The following ELOVL4 variants were observed in gnomAD, a reference collection of about 807,000 sequenced individuals.
The protein encoded by ELOVL4 is ELOVL fatty acid elongase 4.
In ELOVL4, 18 loss-of-function variants were observed where a neutral mutation model predicts 42.1. The ratio of observed to expected loss-of-function variants is 0.43; its 90% CI spans 0.30 to 0.63. ELOVL4 has a LOEUF of 0.63. Among genes scored for constraint, ELOVL4 ranks in the 30% least tolerant of loss-of-function variants. The pLI is 0.15. For synonymous variants in ELOVL4, 117 were observed against 127.0 expected (o/e 0.92, Z 0.53); for missense variants, 299 against 376.2 (o/e 0.79, Z 1.70).
chr6:79,942,967 G>C (rs866183203), intron 1 of ELOVL4, among the ~76,000 whole-genome samples: 36 of 151,538 alleles, frequency 2.4e-4, no homozygotes, highest in Admixed American at 1.4e-3. Context: ...TGAAAACAGT[G>C]ACCAAGGGAG....
At chr6:79,934,487 C>T (rs985973772) in intron 1 of ELOVL4, among the ~76,000 whole-genome samples, 5 of 152,064 alleles carry the variant, frequency 3.3e-5, no homozygotes, top group African/African-American at 7.2e-5. Flanking sequence ...GATACCACGA[C>T]GTCATGCATT....
chr6:79,924,854 CTG>C, intron 3 of ELOVL4, 96 bp downstream of exon 3: 1 of 787,036 alleles, frequency 1.3e-6, no homozygotes, highest in Non-Finnish European at 2.2e-6. Context: ...GTTAAAGAAA[CTG>C]TCTCTTAAAA....
At chr6:79,917,226 G>A (rs577338172) in intron 5 of ELOVL4, among the ~76,000 whole-genome samples, 3 of 152,020 alleles carry the variant, frequency 2.0e-5, no homozygotes, top group East Asian at 1.9e-4. Context: ...ACTCTAGAAG[G>A]CAGGGCTTTG....
At chr6:79,921,122 G>A (rs189148100) in intron 4 of ELOVL4, among the ~76,000 whole-genome samples, 3 of 152,018 alleles carry the variant, frequency 2.0e-5, no homozygotes, top group African/African-American at 7.2e-5. Flanking sequence ...TATTAAAGTA[G>A]TCACAGATAA....
Position 79,942,546 on chromosome 6 carries a change from C to CA in ELOVL4, c.100+4633dup, listed in dbSNP as rs1284510270. ...GGTGACATTATCCACAGGACTTGAG[C>CA]AAAAAAATAAGAAAACAAATTGAAT... On this transcript the variant is annotated intron_variant, in intron 1 of 5. Transcript: ENST00000369816. 5.9e-5 allele frequency among the ~76,000 whole-genome samples: 9 copies of CA among 152,066 alleles called. No homozygotes were observed. The East Asian group carries it at 1.7e-3, about 29-fold the overall frequency.
intron 1 of ELOVL4, among the ~76,000 whole-genome samples, chr6:79,942,242 G>A (rs1774659533): frequency 6.6e-6 from 1 of 152,090 alleles, no homozygotes; most frequent in South Asian, 2.1e-4. Flanking sequence ...AGTTAATGTG[G>A]ACCTTGGCTT....
At chr6:79,927,210 T>G (rs1161812078) in intron 1 of ELOVL4, among the ~76,000 whole-genome samples, 1 of 152,032 alleles carries the variant, frequency 6.6e-6, no homozygotes, top group Non-Finnish European at 1.5e-5. Flanking sequence ...TAATGAAATA[T>G]GGATGGGATT....
chr6:79,947,288 T>TGAGC lies in ELOVL4; in HGVS notation c.-13_-10dup, dbSNP rs1393683059. The stretch of plus-strand genomic sequence containing the variant: ...GAGTCCAGGAGCCCCATCGCGGCGA[T>TGAGC]GAGCGGGCGCTGGCGGCAGGAGAAA... On this transcript the variant is annotated 5_prime_UTR_variant, in exon 1 of 6. Transcript: ENST00000369816. 4 of 1,608,092 alleles carry TGAGC rather than the reference T, an allele frequency of 2.5e-6. No individual in the cohort carries two copies. The highest frequency in any genetic ancestry group is 3.4e-6 in the Non-Finnish European group (4 of 1,176,052).
Position 79,926,257 on chromosome 6 carries a change from C to T in ELOVL4, c.225G>A (p.Met75Ile), listed in dbSNP as rs1267648070. Residue 75 changes from methionine (M) to isoleucine (I), a missense_variant, in exon 2 of 6, where the codon ATG becomes ATA. Coordinates refer to ENST00000369816, the MANE Select transcript of ELOVL4 (RefSeq NM_022726.4). ...AATTATAGATAATGAGCACTAGACG[C>T]ATCTGAAAAGGTTCTCGGTCCTTCA... ...KWMKDREPFQ[M>I]RLVLIIYNFG... 1 of 1,613,910 alleles carries T rather than the reference C, an allele frequency of 6.2e-7. No individual in the cohort carries two copies. The highest frequency in any genetic ancestry group is 8.5e-7 in the Non-Finnish European group (1 of 1,179,942).
chr6:79,932,306 C>T (rs1006330292), intron 1 of ELOVL4, among the ~76,000 whole-genome samples: 8 of 152,000 alleles, frequency 5.3e-5, no homozygotes, highest in African/African-American at 1.7e-4. Flanking sequence ...TTTGGGAGGC[C>T]GAGGCAGGCG....
At chr6:79,943,405 C>T (rs943405493) in intron 1 of ELOVL4, among the ~76,000 whole-genome samples, 6 of 152,132 alleles carry the variant, frequency 3.9e-5, no homozygotes, top group African/African-American at 1.4e-4. Flanking sequence ...CACCTTTTGC[C>T]CTAGTATGCC....
intron 1 of ELOVL4, among the ~76,000 whole-genome samples, chr6:79,927,347 T>C (rs1774361016): frequency 6.6e-6 from 1 of 152,122 alleles, no homozygotes; most frequent in Admixed American, 6.6e-5. Flanking sequence ...TGCAAAACAT[T>C]TTATGTCGTA....
intron 1 of ELOVL4, among the ~76,000 whole-genome samples, chr6:79,932,705 T>C (rs1331927338): frequency 6.6e-6 from 1 of 152,218 alleles, no homozygotes; most frequent in Non-Finnish European, 1.5e-5. Flanking sequence ...ACTACTCCTT[T>C]GCAGCAAAGT....
intron 1 of ELOVL4, among the ~76,000 whole-genome samples, chr6:79,943,165 G>A (rs534815651): frequency 6.6e-5 from 10 of 152,220 alleles, no homozygotes; most frequent in South Asian, 2.1e-4. Flanking sequence ...TAACTGTGAC[G>A]AATAATAAAA....
chr6:79,940,464 A>G (rs546274352), intron 1 of ELOVL4, among the ~76,000 whole-genome samples: 3 of 152,334 alleles, frequency 2.0e-5, no homozygotes, highest in Admixed American at 1.3e-4. Flanking sequence ...ATTTTTATCA[A>G]TTTTACAAAA....
At chr6:79,934,611 G>C (rs969464841) in intron 1 of ELOVL4, among the ~76,000 whole-genome samples, 1 of 152,024 alleles carries the variant, frequency 6.6e-6, no homozygotes, top group African/African-American at 2.4e-5. Flanking sequence ...TGTCTTCCAG[G>C]ATTTTTCTTC....
At chr6:79,938,126 T>C (rs1397554265) in intron 1 of ELOVL4, among the ~76,000 whole-genome samples, 1 of 152,148 alleles carries the variant, frequency 6.6e-6, no homozygotes, top group South Asian at 2.1e-4. Flanking sequence ...AAAATATATC[T>C]CGAGAGAGAG....
At chr6:79,936,360 G>A (rs1362538787) in intron 1 of ELOVL4, among the ~76,000 whole-genome samples, 1 of 151,986 alleles carries the variant, frequency 6.6e-6, no homozygotes. Context: ...TATACTAAGT[G>A]ATATTAAAAA....
intron 1 of ELOVL4, among the ~76,000 whole-genome samples, chr6:79,941,973 T>C (rs985805676): frequency 2.0e-5 from 3 of 152,126 alleles, no homozygotes; most frequent in African/African-American, 4.8e-5. Context: ...CTAAAGACAA[T>C]GAGCTCCTGT....
Sources: allele counts gnomAD v4.1 joint callset (sites outside exome capture counted in the v4.1 genomes callset), GRCh38; gene constraint gnomAD v4.1.1; transcripts MANE v1.5; gene names NCBI Gene and HGNC (gene_info 2026-07-23, HGNC 2026-07-21).